The following EP400 variants were observed in gnomAD, a reference collection of about 807,000 sequenced individuals.
EP400 encodes E1A-binding protein p400.
EP400 carries 105 observed loss-of-function variants against 354.1 expected under a neutral mutation model. The ratio of observed to expected loss-of-function variants is 0.30; its 90% CI spans 0.25 to 0.35. The LOEUF (loss-of-function observed/expected upper bound fraction) is 0.35, where lower values mean the gene tolerates loss of function less well. Among genes scored for constraint, EP400 ranks in the 10% least tolerant of loss-of-function variants. EP400 has a pLI of 1.00. For synonymous variants in EP400, 1,646 were observed against 1,716.9 expected (o/e 0.96, Z 1.02); for missense variants, 3,280 against 4,121.0 (o/e 0.80, Z 5.59).
chr12:131,956,260 T>C (rs1057174595), intron 1 of EP400, among the ~76,000 whole-genome samples: 8 of 152,186 alleles, frequency 5.3e-5, no homozygotes, highest in African/African-American at 1.9e-4. Flanking sequence ...GGCTGTATCA[T>C]GGTTTGATGT....
chr12:132,003,153 C>T (rs1377781241), intron 12 of EP400, among the ~76,000 whole-genome samples: 1 of 150,522 alleles, frequency 6.6e-6, no homozygotes, highest in African/African-American at 2.4e-5. Flanking sequence ...CAAGTTCAGC[C>T]TGGGCAACAT....
Position 132,050,731 on chromosome 12 carries a change from C to A in EP400, c.7394+76C>A. On this transcript the variant is annotated intron_variant, in intron 41 of 52. Transcript: ENST00000389561. This position sits in a 1 kb window ranked among gnomAD's most constrained non-coding sequence, Gnocchi z 4.8. Reference sequence around the variant, plus strand: ...CAGTGTCATCTAAGTTCAGTGAGTTCAGCAAATCGTTGTGCACTTAGCGTG... The same window carrying A: ...CAGTGTCATCTAAGTTCAGTGAGTTAAGCAAATCGTTGTGCACTTAGCGTG... The A allele has an allele frequency of 6.4e-7, 1 of 1,574,258 alleles. No individual in the cohort carries two copies. Among genetic ancestry groups the A allele is most frequent in the Non-Finnish European group, 8.7e-7 (1 of 1,145,016 alleles).
chr12:132,006,298 C>T lies in EP400; in HGVS notation c.3122C>T (p.Thr1041Ile). The T allele has an allele frequency of 1.2e-6, 2 of 1,613,974 alleles. No homozygotes were observed. Among genetic ancestry groups the T allele is most frequent in the Non-Finnish European group, 1.7e-6 (2 of 1,179,886 alleles). ...ILPKGSARVTTSVKFNAPSLL... is the reference protein window; with the variant it reads ...ILPKGSARVTISVKFNAPSLL... ...CCGAAGGGCAGTGCTCGGGTCACAA[C>T]CTCGGTGAGGCGCTAAGCTTTCAAG... Residue 1041 changes from threonine (T) to isoleucine (I), a missense_variant, in exon 14 of 53, where the codon ACC (threonine) becomes ATC (isoleucine). Physicochemically the swap from Thr to Ile is moderately conservative, Grantham distance 89. This residue lies in a region of EP400 where 800 missense variants were observed against 840.0 expected (regional missense o/e 0.95). Coordinates refer to ENST00000389561, the MANE Select transcript of EP400 (RefSeq NM_015409.5).
In EP400 at chr12:132,077,578, CCCGCCAGCT is replaced by C; in HGVS notation, c.9281_9289del (p.Ala3094_Ser3096del). Reference sequence around the variant, plus strand: ...AGGCGCTCCCAACCCAGCCCAGGTGCCCGCCAGCTCCGACAGCCCAAGCCAGCAGCCCAA... The same window carrying C: ...AGGCGCTCCCAACCCAGCCCAGGTGCCCGACAGCCCAAGCCAGCAGCCCAA... On this transcript the variant is annotated inframe_deletion, in exon 53 of 53. Coordinates refer to ENST00000389561, the MANE Select transcript of EP400 (RefSeq NM_015409.5). The C allele has an allele frequency of 6.2e-7, 1 of 1,613,876 alleles. No individual in the cohort carries two copies. Among genetic ancestry groups the C allele is most frequent in the Non-Finnish European group, 8.5e-7 (1 of 1,179,914 alleles).
chr12:132,073,952 G>A (rs549167696), intron 51 of EP400, among the ~76,000 whole-genome samples: 288 of 94,654 alleles, frequency 3.0e-3, no homozygotes, highest in Non-Finnish European at 4.4e-3. Flanking sequence ...TTTTTGAGAC[G>A]GAGGCTCACT....
At chr12:132,016,256 C>G (rs74355618) in intron 19 of EP400, among the ~76,000 whole-genome samples, 2,600 of 152,328 alleles carry the variant, frequency 0.017, 74 homozygotes, top group African/African-American at 0.06. Flanking sequence ...TCGGTCTCCA[C>G]TCATTTCTCA....
chr12:131,997,823 T>C (rs1893268690), intron 12 of EP400, among the ~76,000 whole-genome samples: 1 of 152,182 alleles, frequency 6.6e-6, no homozygotes, highest in South Asian at 2.1e-4. Context: ...CAACCCAAGT[T>C]GTCCACCGAT....
intron 2 of EP400, chr12:131,963,669 G>C: frequency 6.4e-7 from 1 of 1,558,354 alleles, no homozygotes; most frequent in African/African-American, 1.3e-5. Flanking sequence ...CTCAAATGTA[G>C]TCTCATCCCA....
Position 132,020,236 on chromosome 12 carries a change from GTCTGCTC to G in EP400, c.4447+21_4447+27del, listed in dbSNP as rs1242669710. On this transcript the variant is annotated intron_variant, in intron 22 of 52. Transcript: ENST00000389561. ...GGCAAAAGGTAGACTTCACGTAGTT[GTCTGCTC>G]TCCGCCTTATGGAGGTTTTTGTGGG... The G allele has an allele frequency of 6.3e-7, 1 of 1,584,164 alleles. No homozygotes were observed. Among genetic ancestry groups the G allele is most frequent in the Non-Finnish European group, 8.6e-7 (1 of 1,163,800 alleles).
At chr12:132,033,254 T>G (rs182085663) in intron 30 of EP400, among the ~76,000 whole-genome samples, 96 of 152,328 alleles carry the variant, frequency 6.3e-4, no homozygotes, top group Admixed American at 5.9e-3. Flanking sequence ...GGCCTATTAT[T>G]ATCTGTAAAG....
At position 132,064,723 on chromosome 12, in the gene EP400, C is replaced by T. The variant is rs769476804; in HGVS notation, c.8390C>T (p.Pro2797Leu). 1.9e-5 allele frequency: 30 copies of T among 1,613,570 alleles called. No homozygotes were observed. The highest frequency in any genetic ancestry group is 3.3e-5 in the Admixed American group (2 of 59,986). Residue 2797 changes from proline to leucine, a missense_variant, in exon 48 of 53, where the codon CCG becomes CTG. This residue lies in a region of EP400 where 86 missense variants were observed against 66.4 expected (regional missense o/e 1.29). Transcript: ENST00000389561. ...QKLQMPPQPP[P>L]PQAQSAPPQP... The stretch of plus-strand genomic sequence containing the variant: ...CTGCAGATGCCCCCGCAGCCCCCAC[C>T]GCCACAGGCCCAGTCTGCGCCCCCG...
intron 1 of EP400, among the ~76,000 whole-genome samples, chr12:131,959,847 C>T (rs1372966929): frequency 2.0e-5 from 3 of 152,250 alleles, no homozygotes; most frequent in Non-Finnish European, 4.4e-5. Flanking sequence ...AGGGCAAGGA[C>T]TGTCTTACCC....
At position 132,013,762 on chromosome 12, in the gene EP400, A is replaced by G. The variant is rs371166881; in HGVS notation, c.3787-15A>G. 6.8e-6 allele frequency: 11 copies of G among 1,612,700 alleles called. No homozygotes were observed. The highest frequency in any genetic ancestry group is 9.3e-6 in the Non-Finnish European group (11 of 1,179,546). On this transcript the variant is annotated splice_polypyrimidine_tract_variant and intron_variant, in intron 18 of 52. Transcript: ENST00000389561. The surrounding 1 kb of genome is among the most constrained non-coding windows in gnomAD (Gnocchi z 4.5). ...CATTTTTGGAAAGAAAACAGTAAAC[A>G]GTTTTTATTTTCAGGTGACACAGCC...
Position 132,077,889 on chromosome 12 carries a change from T to A in EP400, c.*216T>A. On this transcript the variant is annotated 3_prime_UTR_variant, in exon 53 of 53. Coordinates refer to ENST00000389561, the MANE Select transcript of EP400 (RefSeq NM_015409.5). ...CGCGTTCTCTGTACTACGTGGCTCA[T>A]GGAAAAAGTGACAACATGGCTTCCT... 1 of 626,768 alleles carries A rather than the reference T, an allele frequency of 1.6e-6. No homozygotes were observed. Among genetic ancestry groups the A allele is most frequent in the African/African-American group, 1.8e-5 (1 of 54,684 alleles). The allele number at this position is 626,768 out of a possible 1,614,324, so 38.8% of individuals were successfully genotyped here.
intron 2 of EP400, among the ~76,000 whole-genome samples, chr12:131,963,112 A>G (rs1439612536): frequency 1.3e-5 from 2 of 152,202 alleles, no homozygotes; most frequent in African/African-American, 4.8e-5. Context: ...TGTAAGCTCA[A>G]TCCCCCTTAC....
In EP400 at chr12:132,078,968, C is replaced by T. The variant is rs748291014; in HGVS notation, c.*1295C>T. On this transcript the variant is annotated 3_prime_UTR_variant, in exon 53 of 53. Coordinates refer to ENST00000389561, the MANE Select transcript of EP400 (RefSeq NM_015409.5). ...TCACCAAAGCAAAAAGGTCCATATC[C>T]AATAGTATCCTTTGTGCTGTGGCTT... 1 of 152,148 alleles carries T rather than the reference C, an allele frequency of 6.6e-6. No homozygotes were observed. Among genetic ancestry groups the T allele is most frequent in the Non-Finnish European group, 1.5e-5 (1 of 68,022 alleles). 9.4% of individuals were successfully genotyped at this position (152,148 alleles called of 1,614,324 possible). A position where few individuals can be genotyped will look rare whatever the true frequency, so the allele number is the denominator to read the frequency against.
At position 132,044,845 on chromosome 12, in the gene EP400, C is replaced by T; in HGVS notation, c.6676C>T (p.Leu2226Phe). 5.6e-6 allele frequency: 9 copies of T among 1,614,212 alleles called. No individual in the cohort carries two copies. The highest frequency in any genetic ancestry group is 7.6e-6 in the Non-Finnish European group (9 of 1,180,044). The change falls in exon 37 of 53, where the codon CTC becomes TTC. Residue 2226 changes from leucine to phenylalanine, a missense_variant. Around this residue, in one of 20 missense-constraint regions of EP400, gnomAD observed 231 missense variants for 257.9 expected, o/e 0.90. Transcript: ENST00000389561. ...GCCGCAGGACGACAGCGACATCTAC[C>T]TCGACTCGGTCATGTGTCTCATGTA... ...TPPQDDSDIY[L>F]DSVMCLMYEA...
In EP400 at chr12:132,008,662, G is replaced by A. The variant is rs147501688; in HGVS notation, c.3304+1785G>A. The stretch of plus-strand genomic sequence containing the variant: ...CTGGTGCACCCTTGGCTCACTGCAC[G>A]TTCCGTCTCCTGGGCTCAAGAGGAT... On this transcript the variant is annotated intron_variant, in intron 15 of 52. Coordinates refer to ENST00000389561, the MANE Select transcript of EP400 (RefSeq NM_015409.5). 2.1e-4 allele frequency among the ~76,000 whole-genome samples: 31 copies of A among 150,984 alleles called. 1 individual carries two copies. Among genetic ancestry groups the A allele is most frequent in the African/African-American group, 6.6e-4 (27 of 41,140 alleles).
At chr12:132,035,885 G>T (rs1467130969) in intron 30 of EP400, among the ~76,000 whole-genome samples, 2 of 144,500 alleles carry the variant, frequency 1.4e-5, no homozygotes, top group Non-Finnish European at 3.0e-5. Context: ...GGTTCACACG[G>T]AACGTCGTGG....
Sources: gnomAD v4.1 joint callset for allele counts (sites outside exome capture counted in the v4.1 genomes callset) on GRCh38, gnomAD v4.1.1 for gene constraint, gnomAD v4.1.1 regional missense constraint, Gnocchi (gnomAD v3.1) non-coding constraint, MANE v1.5 for transcripts, NCBI Gene and HGNC (gene_info 2026-07-23, HGNC 2026-07-21) for gene names.